The following SNTA1 variants were observed in gnomAD, a reference collection of about 807,000 sequenced individuals.
SNTA1 encodes the protein syntrophin alpha 1, also known as alpha-1-syntrophin.
SNTA1 carries 31 observed loss-of-function variants against 47.1 expected under a neutral mutation model. The ratio of observed to expected loss-of-function variants is 0.66; its 90% CI spans 0.49 to 0.89. The LOEUF (loss-of-function observed/expected upper bound fraction) is 0.89, where lower values mean the gene tolerates loss of function less well. SNTA1 is among the 40% of genes least tolerant of loss of function. The pLI is 0.00. For synonymous variants in SNTA1, 300 were observed against 313.6 expected, an observed-to-expected ratio of 0.96 and a Z score of 0.46; for missense variants, 575 against 693.0, an observed-to-expected ratio of 0.83 and a Z score of 1.91.
chr20:33,410,209 T>C lies in SNTA1; in HGVS notation c.1163A>G (p.Glu388Gly). The C allele has an allele frequency of 6.2e-7, 1 of 1,614,026 alleles. No individual in the cohort carries two copies. Among genetic ancestry groups the C allele is most frequent in the Non-Finnish European group, 8.5e-7 (1 of 1,180,022 alleles). Residue 388 changes from glutamate (E) to glycine (G), a missense_variant, in exon 6 of 8, where the codon GAG becomes GGG. Glu to Gly is a moderately conservative substitution (Grantham distance 98, BLOSUM62 -2). Coordinates refer to ENST00000217381, the MANE Select transcript of SNTA1 (RefSeq NM_003098.3). ...THLFSVESPQ[E>G]LAAWTRQLVD... ...AAGCTGGCGGGTCCAGGCAGCCAGCTCCTGCGGTGACTCCACGCTGAACAG... is the reference window on the plus strand; with the variant it reads ...AAGCTGGCGGGTCCAGGCAGCCAGCCCCTGCGGTGACTCCACGCTGAACAG...
chr20:33,426,552 A>T (rs1158433336), intron 2 of SNTA1, among the ~76,000 whole-genome samples: 8 of 151,940 alleles, frequency 5.3e-5, no homozygotes, highest in Admixed American at 3.3e-4. Flanking sequence ...ACTTGAGGTC[A>T]GGAGTTCGAG....
intron 2 of SNTA1, among the ~76,000 whole-genome samples, chr20:33,426,451 C>T (rs1402836750): frequency 3.8e-5 from 3 of 78,402 alleles, no homozygotes; most frequent in African/African-American, 1.5e-4. Flanking sequence ...ACTCCTTCTC[C>T]AAAAAAAAAA....
chr20:33,418,580 G>A (rs1266236874), intron 2 of SNTA1, among the ~76,000 whole-genome samples: 2 of 145,260 alleles, frequency 1.4e-5, no homozygotes, highest in Non-Finnish European at 3.0e-5. Flanking sequence ...ATCATTTGAG[G>A]TCAAAAGTTT....
At chr20:33,437,471 TAAA>T (rs1990471511) in intron 2 of SNTA1, among the ~76,000 whole-genome samples, 2 of 151,802 alleles carry the variant, frequency 1.3e-5, no homozygotes, top group African/African-American at 4.8e-5. Flanking sequence ...CCATGGCATT[TAAA>T]TAGATATACC....
chr20:33,441,489 G>A (rs116110856), intron 1 of SNTA1, among the ~76,000 whole-genome samples: 29 of 152,114 alleles, frequency 1.9e-4, no homozygotes, highest in African/African-American at 6.0e-4. Flanking sequence ...ACACAGGCCC[G>A]ACCGTTTGCT....
At chr20:33,418,212 G>A (rs920948514) in intron 2 of SNTA1, among the ~76,000 whole-genome samples, 1 of 150,848 alleles carries the variant, frequency 6.6e-6, no homozygotes, top group African/African-American at 2.4e-5. Context: ...CTGGAAGAAA[G>A]ACTCTATTTC....
At chr20:33,421,121 CAT>C (rs919003880) in intron 2 of SNTA1, among the ~76,000 whole-genome samples, 5 of 149,068 alleles carry the variant, frequency 3.4e-5, no homozygotes, top group African/African-American at 1.2e-4. Flanking sequence ...TGCAGCAAGC[CAT>C]GATTACGCCA....
At chr20:33,424,191 G>A (rs1192791111) in intron 2 of SNTA1, among the ~76,000 whole-genome samples, 2 of 149,732 alleles carry the variant, frequency 1.3e-5, no homozygotes, top group African/African-American at 4.9e-5. Context: ...GCGCATGCCT[G>A]TAATCCCAAC....
Position 33,408,839 on chromosome 20 carries a change from C to G in SNTA1, c.1287G>C (p.Lys429Asn), listed in dbSNP as rs955414123. ...RPCSLSVHID[K>N]GFTLWAAEPG... ...GCTCAGCCGCCCACAGTGTGAAGCC[C>G]TTGTCGATGTGCACAGACAGGCTGC... Residue 429 changes from lysine (K) to asparagine (N), a missense_variant, in exon 7 of 8, where the codon AAG (lysine) becomes AAC (asparagine). Lys to Asn is a moderately conservative substitution (Grantham distance 94, BLOSUM62 0). Coordinates refer to ENST00000217381, the MANE Select transcript of SNTA1 (RefSeq NM_003098.3). 2.5e-6 allele frequency: 4 copies of G among 1,614,074 alleles called. No homozygotes were observed. The African/African-American group carries it at 5.3e-5, about 22-fold the overall frequency.
chr20:33,427,192 C>T (rs111749632), intron 2 of SNTA1, among the ~76,000 whole-genome samples: 3,168 of 152,150 alleles, frequency 0.021, 107 homozygotes, highest in African/African-American at 0.071. Flanking sequence ...ATGATTTCTG[C>T]TGCTGTTCCT....
At chr20:33,424,447 G>C (rs908259268) in intron 2 of SNTA1, among the ~76,000 whole-genome samples, 1 of 151,936 alleles carries the variant, frequency 6.6e-6, no homozygotes, top group African/African-American at 2.4e-5. Context: ...CCTTAGGTGG[G>C]AGGATTGCTT....
At chr20:33,427,307 C>T (rs1036295576) in intron 2 of SNTA1, among the ~76,000 whole-genome samples, 12 of 152,038 alleles carry the variant, frequency 7.9e-5, no homozygotes, top group Admixed American at 7.9e-4. Context: ...TCTCTCTGAG[C>T]CTCAGTTTCT....
At chr20:33,426,073 CTCAA>C (rs974652693) in intron 2 of SNTA1, among the ~76,000 whole-genome samples, 32 of 150,822 alleles carry the variant, frequency 2.1e-4, no homozygotes, top group African/African-American at 2.2e-4. Flanking sequence ...AAGACTCCGT[CTCAA>C]TCAATCAATC....
At chr20:33,438,418 A>G (rs1246121288) in intron 2 of SNTA1, among the ~76,000 whole-genome samples, 1 of 152,132 alleles carries the variant, frequency 6.6e-6, no homozygotes, top group Non-Finnish European at 1.5e-5. Flanking sequence ...GCCCCACAGG[A>G]AAGAATCTGA....
intron 2 of SNTA1, among the ~76,000 whole-genome samples, chr20:33,426,369 T>C (rs1419470532): frequency 1.3e-5 from 2 of 149,812 alleles, no homozygotes; most frequent in African/African-American, 4.9e-5. Flanking sequence ...GAGAATCGCT[T>C]GAACTCAGGA....
chr20:33,438,912 T>C lies in SNTA1; in HGVS notation c.425A>G (p.Asp142Gly), dbSNP rs762351550. The C allele has an allele frequency of 1.9e-6, 3 of 1,614,140 alleles. No individual in the cohort carries two copies. The highest frequency in any genetic ancestry group is 1.7e-6 in the Non-Finnish European group (2 of 1,179,988). ...GDAILSVNGE[D>G]LSSATHDEAV... ...CTCATCATGGGTAGCAGAGGACAAGTCTTCCCCATTCACAGACAGGATGGC... is the reference window on the plus strand; with the variant it reads ...CTCATCATGGGTAGCAGAGGACAAGCCTTCCCCATTCACAGACAGGATGGC... The change falls in exon 2 of 8, where the codon GAC becomes GGC. Residue 142 changes from aspartate to glycine, a missense_variant. Physicochemically the swap from Asp to Gly is moderately conservative, Grantham distance 94. Transcript: ENST00000217381.
intron 6 of SNTA1, among the ~76,000 whole-genome samples, chr20:33,409,647 T>A (rs1228758037): frequency 6.6e-6 from 1 of 151,728 alleles, no homozygotes; most frequent in Non-Finnish European, 1.5e-5. Context: ...TATTATTTTT[T>A]TTTTTTGAGA....
intron 2 of SNTA1, among the ~76,000 whole-genome samples, chr20:33,425,064 C>T (rs1198235469): frequency 1.3e-5 from 2 of 151,208 alleles, no homozygotes; most frequent in Non-Finnish European, 2.9e-5. Flanking sequence ...TGCAGTGAGC[C>T]GAGATCACGC....
chr20:33,412,278 GC>G lies in SNTA1; in HGVS notation c.1040+17del, dbSNP rs1336161075. On this transcript the variant is annotated intron_variant, in intron 5 of 7. Transcript: ENST00000217381. ...TGGCAAGTTCTGGGGGAGACATACT[GC>G]CCCTGCCTGTGGGTACCTGGTGGCG... The G allele has an allele frequency of 1.9e-6, 3 of 1,606,812 alleles. No individual in the cohort carries two copies. Among genetic ancestry groups the G allele is most frequent in the Non-Finnish European group, 2.5e-6 (3 of 1,178,398 alleles).
Sources: gnomAD v4.1 joint callset for allele counts (sites outside exome capture counted in the v4.1 genomes callset) on GRCh38, gnomAD v4.1.1 for gene constraint, MANE v1.5 for transcripts, NCBI Gene and HGNC (gene_info 2026-07-23, HGNC 2026-07-21) for gene names.